The following KCNJ1 variants were observed in gnomAD, a reference collection of about 807,000 sequenced individuals.
KCNJ1 encodes the protein ATP-sensitive inward rectifier potassium channel 1.
A neutral mutation model predicts 21.9 loss-of-function variants in KCNJ1; 24 were observed. That is an observed-to-expected ratio of 1.10 (90% CI 0.79 to 1.54). The LOEUF is 1.54. Ranked by LOEUF, KCNJ1 falls within the 40% of genes most tolerant of loss-of-function variation. The pLI, the probability that KCNJ1 is intolerant of heterozygous loss-of-function variation, is 0.00. For synonymous variants in KCNJ1, 152 were observed against 160.9 expected (o/e 0.94, Z 0.42); for missense variants, 457 against 455.4 (o/e 1.00, Z -0.03).
At chr11:128,840,294 G>C (rs142798603) in intron 2 of KCNJ1, 30 bp from the exon 3 acceptor site, 13 of 1,607,670 alleles carry the variant, frequency 8.1e-6, no homozygotes, top group South Asian at 6.6e-5. Context: ...AAACAAAAAA[G>C]GATTATGTTT....
chr11:128,851,831 G>A (rs970181495), intron 1 of KCNJ1, among the ~76,000 whole-genome samples: 7 of 152,154 alleles, frequency 4.6e-5, no homozygotes, highest in East Asian at 1.9e-4. Flanking sequence ...ATGGACACTC[G>A]GAGACTAGTA....
intron 2 of KCNJ1, 44 bp downstream of exon 2, chr11:128,850,677 C>A: frequency 1.1e-6 from 1 of 916,168 alleles, no homozygotes; most frequent in Non-Finnish European, 1.3e-6. Flanking sequence ...TTTCTTGTAG[C>A]CTGGGGTGTC....
rs1363203696 is a variant in KCNJ1, at chr11:128,838,753, T to C, written c.*372A>G. 8.6e-6 allele frequency: 2 copies of C among 232,514 alleles called. No homozygotes were observed. The highest frequency in any genetic ancestry group is 1.7e-5 in the Non-Finnish European group (2 of 117,450). The allele number at this position is 232,514 out of a possible 1,614,324, so 14.4% of individuals were successfully genotyped here. A position where few individuals can be genotyped will look rare whatever the true frequency, so the allele number is the denominator to read the frequency against. ...GAGATTATTATTGTCCCCTGATCCT[T>C]TCTAAAGTTCATAACTTCTTTAAGG... On this transcript the variant is annotated 3_prime_UTR_variant, in exon 3 of 3. Coordinates refer to ENST00000392666, the MANE Select transcript of KCNJ1 (RefSeq NM_153766.3).
At position 128,851,852 on chromosome 11, in the gene KCNJ1, T is replaced by C. The variant is rs925811270; in HGVS notation, c.-191-962A>G. 3.5e-4 allele frequency among the ~76,000 whole-genome samples: 54 copies of C among 152,236 alleles called. 1 individual carries two copies. The highest frequency in any genetic ancestry group is 1.2e-3 in the African/African-American group (51 of 41,452). On this transcript the variant is annotated intron_variant, in intron 1 of 2. Transcript: ENST00000392666. ...ACTCGGAGACTAGTATTCATTATGT[T>C]GCATGAGGCAAAGAAGGCTGGTGTA...
In KCNJ1 at chr11:128,839,964, G is replaced by T. The variant is rs1943252418; in HGVS notation, c.280C>A (p.His94Asn). 17 of 1,614,008 alleles carry T rather than the reference G, an allele frequency of 1.1e-5. No individual in the cohort carries two copies. The highest frequency in any genetic ancestry group is 1.3e-5 in the African/African-American group (1 of 74,904). Reference protein sequence around the residue: ...AYIHKDLPEFHPSANHTPCVE... With the variant: ...AYIHKDLPEFNPSANHTPCVE... ...CAGGGAGTGTGATTGGCAGAAGGAT[G>T]GAATTCCGGGAGGTCTTTGTGAATG... is the stretch of plus-strand genomic sequence containing the variant. Residue 94 changes from histidine to asparagine, a missense_variant, in exon 3 of 3, where the codon CAT becomes AAT. Coordinates refer to ENST00000392666, the MANE Select transcript of KCNJ1 (RefSeq NM_153766.3).
intron 2 of KCNJ1, among the ~76,000 whole-genome samples, chr11:128,848,852 A>G (rs1046526461): frequency 1.3e-5 from 2 of 152,346 alleles, no homozygotes; most frequent in East Asian, 3.9e-4. Context: ...AAACCAAGGT[A>G]AAAATGGAAG....
intron 1 of KCNJ1, among the ~76,000 whole-genome samples, chr11:128,851,168 C>T (rs920287742): frequency 1.4e-4 from 22 of 152,158 alleles, no homozygotes; most frequent in African/African-American, 5.3e-4. Context: ...ACAGTCTTTC[C>T]TGTTCTCATG....
At chr11:128,850,208 T>A (rs1943459948) in intron 2 of KCNJ1, among the ~76,000 whole-genome samples, 1 of 152,124 alleles carries the variant, frequency 6.6e-6, no homozygotes, top group African/African-American at 2.4e-5. Flanking sequence ...GCCAACTTCT[T>A]GACCTCAAGT....
chr11:128,858,658 T>C (rs1219202657), intron 1 of KCNJ1, among the ~76,000 whole-genome samples: 1 of 152,230 alleles, frequency 6.6e-6, no homozygotes, highest in Non-Finnish European at 1.5e-5. Flanking sequence ...CTCACTGTGT[T>C]CCAGGCGGTC....
At chr11:128,847,604 T>G (rs1943403401) in intron 2 of KCNJ1, among the ~76,000 whole-genome samples, 1 of 152,240 alleles carries the variant, frequency 6.6e-6, no homozygotes, top group Non-Finnish European at 1.5e-5. Context: ...CCCAAAGCCA[T>G]TGGTTATCCT....
At chr11:128,844,225 C>T (rs1055735651) in intron 2 of KCNJ1, among the ~76,000 whole-genome samples, 5 of 152,174 alleles carry the variant, frequency 3.3e-5, no homozygotes, top group African/African-American at 1.2e-4. Context: ...CTGTGTGACC[C>T]AGGCAGGGGC....
At chr11:128,842,252 G>A in intron 2 of KCNJ1, 2 of 1,066,170 alleles carry the variant, frequency 1.9e-6, no homozygotes, top group South Asian at 1.3e-5. Flanking sequence ...AGGTAAAGAA[G>A]ATTTCTGTAG....
chr11:128,854,077 C>A (rs1943534468), intron 1 of KCNJ1, among the ~76,000 whole-genome samples: 1 of 138,298 alleles, frequency 7.2e-6, no homozygotes, highest in African/African-American at 2.7e-5. Flanking sequence ...CTGGGCTCTG[C>A]AGGTCTGAGA....
chr11:128,864,661 C>A (rs1460743332), intron 1 of KCNJ1, among the ~76,000 whole-genome samples: 1 of 152,124 alleles, frequency 6.6e-6, no homozygotes, highest in African/African-American at 2.4e-5. Flanking sequence ...TAGGTCATCA[C>A]AGTCTTGAAT....
At chr11:128,859,426 G>C (rs1943656711) in intron 1 of KCNJ1, among the ~76,000 whole-genome samples, 1 of 152,096 alleles carries the variant, frequency 6.6e-6, no homozygotes, top group Non-Finnish European at 1.5e-5. Flanking sequence ...CTAGTGTATT[G>C]ATTGTAGAGA....
At chr11:128,845,366 TG>T (rs1047844872) in intron 2 of KCNJ1, among the ~76,000 whole-genome samples, 3 of 152,142 alleles carry the variant, frequency 2.0e-5, no homozygotes, top group Non-Finnish European at 4.4e-5. Context: ...GAAGGTTGGG[TG>T]GGTGTTGGGC....
chr11:128,859,649 G>A (rs2846679), intron 1 of KCNJ1, among the ~76,000 whole-genome samples: 17,732 of 152,138 alleles, frequency 0.12, 1,210 homozygotes, highest in South Asian at 0.26. Context: ...GGAAAAGGAA[G>A]GAAGGTCTGG....
Position 128,839,262 on chromosome 11 carries a change from T to C in KCNJ1, c.982A>G (p.Thr328Ala), listed in dbSNP as rs369498058. 2.5e-6 allele frequency: 4 copies of C among 1,614,188 alleles called. No individual in the cohort carries two copies. The highest frequency in any genetic ancestry group is 3.4e-6 in the Non-Finnish European group (4 of 1,180,026). ...YRVDFHNFSK[T>A]VEVETPHCAM... ...CAGTGAGGGGTCTCCACTTCCACTG[T>C]CTTGCTAAAGTTATGGAAATCCACT... The change falls in exon 3 of 3, where the codon ACA (threonine) becomes GCA (alanine). Residue 328 changes from threonine to alanine, a missense_variant. Coordinates refer to ENST00000392666, the MANE Select transcript of KCNJ1 (RefSeq NM_153766.3).
At chr11:128,859,498 C>T (rs1030585383) in intron 1 of KCNJ1, among the ~76,000 whole-genome samples, 1 of 152,246 alleles carries the variant, frequency 6.6e-6, no homozygotes, top group African/African-American at 2.4e-5. Flanking sequence ...ATTCTCCTGC[C>T]TCAGCCTCCC....
Sources: gnomAD v4.1 joint callset for allele counts (sites outside exome capture counted in the v4.1 genomes callset) on GRCh38, gnomAD v4.1.1 for gene constraint, MANE v1.5 for transcripts, NCBI Gene and HGNC (gene_info 2026-07-23, HGNC 2026-07-21) for gene names.